The following CHUK variants were observed in gnomAD, a reference collection of about 807,000 sequenced individuals.
CHUK encodes component of inhibitor of nuclear factor kappa B kinase complex.
In CHUK, 35 loss-of-function variants were observed where a neutral mutation model predicts 104.8. The observed-to-expected ratio is 0.33, with a 90% CI of 0.26 to 0.44. The LOEUF is 0.44. Among genes scored for constraint, CHUK ranks in the 20% least tolerant of loss-of-function variants. The probability of loss-of-function intolerance (pLI) is 1.00; values close to 1 mark genes in which losing one functional copy is unlikely to be tolerated. For synonymous variants in CHUK, 276 were observed against 291.9 expected, an observed-to-expected ratio of 0.95 and a Z score of 0.56; for missense variants, 663 against 902.7, an observed-to-expected ratio of 0.73 and a Z score of 3.40.
chr10:100,197,353 T>G (rs1845356797), intron 16 of CHUK, among the ~76,000 whole-genome samples: 1 of 152,164 alleles, frequency 6.6e-6, no homozygotes, highest in African/African-American at 2.4e-5. Flanking sequence ...CTCCCTTGAC[T>G]CTACATCAAC....
rs559475966 is a variant in CHUK, at chr10:100,205,853, G to A, written c.1232-654C>T. 6.6e-5 allele frequency among the ~76,000 whole-genome samples: 10 copies of A among 152,274 alleles called. No homozygotes were observed. In the East Asian group the frequency reaches 1.7e-3, roughly 26 times the overall value. On this transcript the variant is annotated intron_variant, in intron 11 of 20. Coordinates refer to ENST00000370397, the MANE Select transcript of CHUK (RefSeq NM_001278.5). The stretch of plus-strand genomic sequence containing the variant: ...TGAGACAGGAGAATCGCTTGTACCC[G>A]GGAGGTGGGGGTTGCAGTGAGCCAA...
intron 16 of CHUK, chr10:100,194,814 C>A (rs185436880): frequency 1.8e-3 from 403 of 227,862 alleles, no homozygotes; most frequent in Non-Finnish European, 2.7e-3. Flanking sequence ...TTAACCCATA[C>A]TAACCCAAGC....
At position 100,188,712 on chromosome 10, in the gene CHUK, C is replaced by T. The variant is rs549315683; in HGVS notation, c.*886G>A. ...TAGATTGCAAGCAAATGAATTTTGT[C>T]ACCAAGCTTATGGAAACCTTGTTTT... On this transcript the variant is annotated 3_prime_UTR_variant, in exon 21 of 21. Transcript: ENST00000370397. The T allele has an allele frequency of 1.1e-4, 16 of 152,262 alleles. No homozygotes were observed. The highest frequency in any genetic ancestry group is 1.9e-4 in the Non-Finnish European group (13 of 68,016). The allele number at this position is 152,262 out of a possible 1,614,324, so 9.4% of individuals were successfully genotyped here.
Position 100,189,518 on chromosome 10 carries a change from G to T in CHUK, c.*80C>A. ...TTCCATTGACTGATGTCTGAAGAATGGTTTCATGGGGGAAAAACACATTTC... is the reference window on the plus strand; with the variant it reads ...TTCCATTGACTGATGTCTGAAGAATTGTTTCATGGGGGAAAAACACATTTC... On this transcript the variant is annotated 3_prime_UTR_variant, in exon 21 of 21. Coordinates refer to ENST00000370397, the MANE Select transcript of CHUK (RefSeq NM_001278.5). 1 of 1,086,496 alleles carries T rather than the reference G, an allele frequency of 9.2e-7. No individual in the cohort carries two copies. Among genetic ancestry groups the T allele is most frequent in the South Asian group, 1.2e-5 (1 of 80,296 alleles). The allele number at this position is 1,086,496 out of a possible 1,614,324, so 67.3% of individuals were successfully genotyped here.
intron 13 of CHUK, among the ~76,000 whole-genome samples, chr10:100,204,084 G>A (rs934751106): frequency 1.3e-5 from 2 of 152,106 alleles, no homozygotes; most frequent in African/African-American, 2.4e-5. Flanking sequence ...AAACAGGAAG[G>A]CTCTACTCTC....
intron 16 of CHUK, among the ~76,000 whole-genome samples, chr10:100,199,448 TC>T (rs2061689116): frequency 6.6e-6 from 1 of 152,212 alleles, no homozygotes; most frequent in African/African-American, 2.4e-5. Flanking sequence ...TGCCTCATCC[TC>T]CCAAGTAGCT....
chr10:100,206,392 A>G (rs1042533739), intron 11 of CHUK, among the ~76,000 whole-genome samples: 20 of 152,072 alleles, frequency 1.3e-4, no homozygotes, highest in Non-Finnish European at 2.9e-4. Flanking sequence ...TAACAATAGG[A>G]AAAACTACAT....
At chr10:100,216,641 C>T (rs1192488976) in intron 9 of CHUK, among the ~76,000 whole-genome samples, 3 of 152,266 alleles carry the variant, frequency 2.0e-5, no homozygotes, top group Middle Eastern at 3.4e-3. Flanking sequence ...GGGTTGCAGA[C>T]TAAAGTGAGC....
At chr10:100,193,794 G>A in intron 18 of CHUK, 190 bp downstream of exon 18, 1 of 636,494 alleles carries the variant, frequency 1.6e-6, no homozygotes, top group East Asian at 2.7e-5. Context: ...AGAGAAATTG[G>A]AAAGGAGAGA....
intron 19 of CHUK, chr10:100,192,803 G>T: frequency 1.2e-6 from 1 of 866,738 alleles, no homozygotes; most frequent in Non-Finnish European, 1.4e-6. Flanking sequence ...TTAAAACACT[G>T]AAAAAAGTCT....
At chr10:100,221,527 G>A (rs929504006) in intron 4 of CHUK, among the ~76,000 whole-genome samples, 3 of 152,158 alleles carry the variant, frequency 2.0e-5, no homozygotes, top group African/African-American at 4.8e-5. Context: ...CAATGGTAGG[G>A]GGGGAGAGAA....
intron 7 of CHUK, 73 bp from the exon 8 acceptor site, chr10:100,218,898 T>G (rs1292813026): frequency 6.6e-7 from 1 of 1,519,990 alleles, no homozygotes; most frequent in Non-Finnish European, 9.1e-7. Flanking sequence ...TTTAATTATA[T>G]TTAATTGTAT....
chr10:100,209,747 A>G lies in CHUK; in HGVS notation c.976T>C (p.Phe326Leu), dbSNP rs1181677070. The change falls in exon 10 of 21, where the codon TTT (phenylalanine) becomes CTT (leucine). Residue 326 changes from phenylalanine to leucine, a missense_variant. By Grantham distance (22) the Phe-to-Leu change is conservative. Coordinates refer to ENST00000370397, the MANE Select transcript of CHUK (RefSeq NM_001278.5). ...AGACTTTCATCAGGTGGTAACAGAA[A>G]AGAAATTATCTTTGCAGAAGTCATA... is the stretch of plus-strand genomic sequence containing the variant. Reference protein sequence around the residue: ...LNMTSAKIISFLLPPDESLHS... With the variant: ...LNMTSAKIISLLLPPDESLHS... 1 of 1,544,296 alleles carries G rather than the reference A, an allele frequency of 6.5e-7. No homozygotes were observed. The highest frequency in any genetic ancestry group is 9.0e-7 in the Non-Finnish European group (1 of 1,116,540).
intron 2 of CHUK, among the ~76,000 whole-genome samples, chr10:100,224,804 T>C (rs1241122739): frequency 6.6e-6 from 1 of 151,904 alleles, no homozygotes; most frequent in Non-Finnish European, 1.5e-5. Flanking sequence ...TAGCATAAAA[T>C]TTACCACCTT....
At chr10:100,216,657 C>T (rs920385371) in intron 9 of CHUK, among the ~76,000 whole-genome samples, 12 of 152,162 alleles carry the variant, frequency 7.9e-5, no homozygotes, top group Non-Finnish European at 8.8e-5. Context: ...TGAGCTATCT[C>T]GCCATGTACT....
chr10:100,189,703 GT>G (rs1321203176), intron 20 of CHUK, 76 bp from the exon 21 acceptor site: 2 of 1,025,286 alleles, frequency 2.0e-6, no homozygotes, highest in Non-Finnish European at 3.1e-6. Context: ...ATTTTTGCAA[GT>G]TTTCTGTTTG....
chr10:100,208,382 A>G (rs1227560681), intron 10 of CHUK, among the ~76,000 whole-genome samples: 1 of 152,230 alleles, frequency 6.6e-6, no homozygotes. Context: ...CCGGGATTAC[A>G]GGCATGGGCC....
intron 19 of CHUK, chr10:100,192,315 A>G (rs2134205219): frequency 6.6e-6 from 1 of 152,358 alleles, no homozygotes; most frequent in African/African-American, 2.4e-5. Flanking sequence ...ACTTCCTTCA[A>G]CTCTGATTAC....
At chr10:100,187,218 A>T (rs1216662087), downstream of CHUK, 3 of 152,226 alleles carry the variant, frequency 2.0e-5, no homozygotes, top group African/African-American at 7.2e-5. Context: ...TGAATCTATA[A>T]AACGGCTGAA....
Sources: gnomAD v4.1 joint callset for allele counts (sites outside exome capture counted in the v4.1 genomes callset) on GRCh38, gnomAD v4.1.1 for gene constraint, MANE v1.5 for transcripts, NCBI Gene and HGNC (gene_info 2026-07-23, HGNC 2026-07-21) for gene names.